Variants in ZFPM2 observed in about 807,000 individuals in gnomAD.
The protein encoded by ZFPM2 is zinc finger protein ZFPM2.
ZFPM2 carries 20 observed loss-of-function variants against 98.6 expected under a neutral mutation model. The ratio of observed to expected loss-of-function variants is 0.20; its 90% confidence interval spans 0.14 to 0.29. The LOEUF is 0.29. ZFPM2 is among the 10% of genes least tolerant of loss of function. ZFPM2 has a pLI of 1.00. For missense variants in ZFPM2, 1,310 were observed against 1,388.6 expected, an observed-to-expected ratio of 0.94 and a Z score of 0.90; for synonymous variants, 518 against 502.7, an observed-to-expected ratio of 1.03 and a Z score of -0.41.
At chr8:105,461,449 A>G (rs184520930) in intron 3 of ZFPM2, among the ~76,000 whole-genome samples, 34 of 152,258 alleles carry the variant, frequency 2.2e-4, no homozygotes, top group Admixed American at 2.0e-3. Context: ...AGGATATGTC[A>G]TCCGGTTAGG....
Position 105,801,532 on chromosome 8 carries a change from G to T in ZFPM2, c.1450G>T (p.Val484Phe). 1 of 1,613,914 alleles carries T rather than the reference G, an allele frequency of 6.2e-7. No homozygotes were observed. Among genetic ancestry groups the T allele is most frequent in the Non-Finnish European group, 8.5e-7 (1 of 1,179,858 alleles). Residue 484 changes from valine (V) to phenylalanine (F), a missense_variant, in exon 8 of 8, where the codon GTT becomes TTT. Val to Phe is a conservative substitution (Grantham distance 50). Coordinates refer to ENST00000407775, the MANE Select transcript of ZFPM2 (RefSeq NM_012082.4). ...TAGCCCAAGACTTGCCTCATCTCCA[G>T]TTCAGCCTAATATTGGGCCTTCTTT... Reference protein sequence around the residue: ...PSSPRLASSPVQPNIGPSFPV... With the variant: ...PSSPRLASSPFQPNIGPSFPV...
intron 1 of ZFPM2, among the ~76,000 whole-genome samples, chr8:105,408,451 T>G (rs1048286009): frequency 2.0e-5 from 3 of 151,788 alleles, no homozygotes; most frequent in Non-Finnish European, 2.9e-5. Context: ...TAGAGCGGAT[T>G]GAACATGTTG....
intron 1 of ZFPM2, among the ~76,000 whole-genome samples, chr8:105,329,802 A>G (rs1038755872): frequency 1.3e-5 from 2 of 151,738 alleles, no homozygotes; most frequent in African/African-American, 2.4e-5. Flanking sequence ...AGAACTTTGT[A>G]CAGATCCATA....
intron 3 of ZFPM2, among the ~76,000 whole-genome samples, chr8:105,515,493 T>G (rs1445954301): frequency 2.0e-5 from 3 of 152,210 alleles, no homozygotes; most frequent in Admixed American, 2.0e-4. Flanking sequence ...GTATCTTATT[T>G]TTTTAAGCCA....
intron 3 of ZFPM2, among the ~76,000 whole-genome samples, chr8:105,483,449 G>A (rs1244816682): frequency 6.6e-6 from 1 of 151,802 alleles, no homozygotes; most frequent in Non-Finnish European, 1.5e-5. Flanking sequence ...AATTAGCTGG[G>A]TGTGGTGGCA....
rs535190939 is a variant in ZFPM2, at chr8:105,638,483, A to G, written c.532+4126A>G. Among the ~76,000 whole-genome samples the G allele has an allele frequency of 8.5e-5, 13 of 152,242 alleles. 1 individual carries two copies. The South Asian group carries it at 2.7e-3, about 32-fold the overall frequency. On this transcript the variant is annotated intron_variant, in intron 5 of 7. Transcript: ENST00000407775. ...AATTCCTGATGCCACAATTGTATTTATTTGTTTGTTTTCCTAAAAACCTAA... is the reference window on the plus strand; with the variant it reads ...AATTCCTGATGCCACAATTGTATTTGTTTGTTTGTTTTCCTAAAAACCTAA...
intron 5 of ZFPM2, among the ~76,000 whole-genome samples, chr8:105,779,132 TAGTG>T (rs1215765451): frequency 6.6e-6 from 1 of 152,160 alleles, no homozygotes; most frequent in South Asian, 2.1e-4. Context: ...TTTGTATTGT[TAGTG>T]AGGATGTATG....
intron 2 of ZFPM2, among the ~76,000 whole-genome samples, chr8:105,430,040 C>T (rs577138096): frequency 3.3e-5 from 5 of 152,242 alleles, no homozygotes; most frequent in South Asian, 4.2e-4. Context: ...TACTGGGTGT[C>T]GCTTCAGAAT....
intron 3 of ZFPM2, among the ~76,000 whole-genome samples, chr8:105,452,764 C>CAACAA (rs879291086): frequency 1.3e-5 from 2 of 150,010 alleles, no homozygotes; most frequent in Admixed American, 6.6e-5. Context: ...ACAACAACAA[C>CAACAA]AACAAAACAA....
intron 3 of ZFPM2, among the ~76,000 whole-genome samples, chr8:105,549,682 G>A (rs377103129): frequency 5.3e-5 from 8 of 150,240 alleles, no homozygotes; most frequent in South Asian, 2.1e-4. Flanking sequence ...CACAATAACC[G>A]TTCACTGTAG....
intron 1 of ZFPM2, among the ~76,000 whole-genome samples, chr8:105,324,158 T>G (rs1010206198): frequency 6.6e-6 from 1 of 151,876 alleles, no homozygotes; most frequent in African/African-American, 2.4e-5. Flanking sequence ...TCAGCCAATT[T>G]AAAATTTCAT....
intron 5 of ZFPM2, among the ~76,000 whole-genome samples, chr8:105,723,629 A>G (rs910135188): frequency 1.3e-5 from 2 of 151,852 alleles, no homozygotes; most frequent in African/African-American, 4.8e-5. Flanking sequence ...CTCATTGTCG[A>G]GGCCTTCTTG....
chr8:105,762,186 T>C (rs1016899842), intron 5 of ZFPM2, among the ~76,000 whole-genome samples: 1 of 152,132 alleles, frequency 6.6e-6, no homozygotes, highest in East Asian at 1.9e-4. Context: ...TGAAAATCAA[T>C]GATCAATGCT....
At chr8:105,628,940 G>A (rs534613602) in intron 4 of ZFPM2, among the ~76,000 whole-genome samples, 2 of 152,312 alleles carry the variant, frequency 1.3e-5, no homozygotes, top group African/African-American at 4.8e-5. Flanking sequence ...ACTGTTAACA[G>A]TTAAGCTGAC....
chr8:105,483,578 G>A (rs1328589176), intron 3 of ZFPM2, among the ~76,000 whole-genome samples: 12 of 149,850 alleles, frequency 8.0e-5, no homozygotes, highest in African/African-American at 3.0e-4. Context: ...TGACAAAGTG[G>A]GAGTCCATCT....
intron 1 of ZFPM2, among the ~76,000 whole-genome samples, chr8:105,324,090 A>G (rs1363494250): frequency 6.6e-6 from 1 of 151,844 alleles, no homozygotes; most frequent in Non-Finnish European, 1.5e-5. Flanking sequence ...TTAAGTTGGT[A>G]TTATTAAGTT....
chr8:105,512,123 C>A (rs575400698), intron 3 of ZFPM2, among the ~76,000 whole-genome samples: 3 of 152,294 alleles, frequency 2.0e-5, no homozygotes, highest in African/African-American at 7.2e-5. Flanking sequence ...CCAACCTGGG[C>A]CACAGAGCAA....
Position 105,802,939 on chromosome 8 carries a change from G to A in ZFPM2, c.2857G>A (p.Ala953Thr). ...KVFSEAAQLI[A>T]TKEENRHLFL... The stretch of plus-strand genomic sequence containing the variant: ...CTTTAGTGAAGCTGCTCAGCTCATT[G>A]CTACAAAAGAAGAAAACAGACATTT... The change falls in exon 8 of 8, where the codon GCT (alanine) becomes ACT (threonine). Residue 953 changes from alanine to threonine, a missense_variant. Transcript: ENST00000407775. 1.2e-6 allele frequency: 2 copies of A among 1,613,044 alleles called. No homozygotes were observed. The highest frequency in any genetic ancestry group is 2.2e-5 in the East Asian group (1 of 44,828).
intron 5 of ZFPM2, among the ~76,000 whole-genome samples, chr8:105,744,599 TC>T (rs1812300023): frequency 6.6e-6 from 1 of 152,010 alleles, no homozygotes; most frequent in African/African-American, 2.4e-5. Flanking sequence ...GGGAAACACA[TC>T]CAAACTAGGT....
Sources: allele counts gnomAD v4.1 joint callset (sites outside exome capture counted in the v4.1 genomes callset), GRCh38; gene constraint gnomAD v4.1.1; transcripts MANE v1.5; gene names NCBI Gene and HGNC (gene_info 2026-07-23, HGNC 2026-07-21).